PPP2R5C: variants seen among roughly 807,000 people sequenced by gnomAD.
The protein encoded by PPP2R5C is protein phosphatase 2 regulatory subunit B'gamma.
In PPP2R5C, 7 loss-of-function variants were observed where a neutral mutation model predicts 68.9. The ratio of observed to expected loss-of-function variants is 0.10; its 90% CI spans 0.06 to 0.19. PPP2R5C has a LOEUF of 0.19. Among genes scored for constraint, PPP2R5C ranks in the 10% least tolerant of loss-of-function variants. The pLI is 1.00. For synonymous variants in PPP2R5C, 210 were observed against 222.2 expected (o/e 0.95, Z 0.49); for missense variants, 348 against 641.3 (o/e 0.54, Z 4.94).
At chr14:101,893,763 A>G (rs977136189) in intron 7 of PPP2R5C, among the ~76,000 whole-genome samples, 2 of 152,128 alleles carry the variant, frequency 1.3e-5, no homozygotes, top group African/African-American at 4.8e-5. Flanking sequence ...AAATAAATAA[A>G]TAAATGAATG....
intron 13 of PPP2R5C, among the ~76,000 whole-genome samples, chr14:101,923,344 C>G (rs2047115911): frequency 6.6e-6 from 1 of 152,170 alleles, no homozygotes; most frequent in Non-Finnish European, 1.5e-5. Flanking sequence ...TTGCCTTTTT[C>G]TATGAATATG....
intron 9 of PPP2R5C, among the ~76,000 whole-genome samples, chr14:101,902,550 A>G (rs2045753919): frequency 6.6e-6 from 1 of 152,194 alleles, no homozygotes; most frequent in Non-Finnish European, 1.5e-5. Context: ...CATCATGAAC[A>G]AGGTGAAAAT....
chr14:101,906,591 A>G lies in PPP2R5C; in HGVS notation c.1151+62A>G. 1 of 1,503,740 alleles carries G rather than the reference A, an allele frequency of 6.7e-7. No homozygotes were observed. The highest frequency in any genetic ancestry group is 9.0e-7 in the Non-Finnish European group (1 of 1,111,602). 93.1% of individuals were successfully genotyped at this position (1,503,740 alleles called of 1,614,324 possible). A position where few individuals can be genotyped will look rare whatever the true frequency, so the allele number is the denominator to read the frequency against. ...TTAAAATATGGCACGTTTTACTGCT[A>G]CTTCAGTAAGAATAAATATCAGAAT... On this transcript the variant is annotated intron_variant, in intron 10 of 13. Transcript: ENST00000334743. This position sits in a 1 kb window ranked among gnomAD's most constrained non-coding sequence, Gnocchi z 4.0.
intron 2 of PPP2R5C, among the ~76,000 whole-genome samples, chr14:101,777,879 CCT>C (rs929090525): frequency 6.6e-6 from 1 of 152,018 alleles, no homozygotes; most frequent in African/African-American, 2.4e-5. Context: ...CTCAAGCTGT[CCT>C]CTCGCCTCAG....
Position 101,912,490 on chromosome 14 carries a change from T to C in PPP2R5C, c.1326+17T>C. The C allele has an allele frequency of 1.9e-6, 3 of 1,597,386 alleles. No homozygotes were observed. The highest frequency in any genetic ancestry group is 2.6e-6 in the Non-Finnish European group (3 of 1,175,218). The stretch of plus-strand genomic sequence containing the variant: ...AATCCCCAGGTACTAAAAAAGAGAA[T>C]AACATGAAAACGCCCAGGGTTACTT... On this transcript the variant is annotated intron_variant, in intron 12 of 13. Coordinates refer to ENST00000334743, the Ensembl canonical transcript of PPP2R5C.
At chr14:101,836,098 C>A (rs2041076221) in intron 1 of PPP2R5C, 1 of 636,132 alleles carries the variant, frequency 1.6e-6, no homozygotes, top group Non-Finnish European at 2.8e-6. Context: ...TAAGGAAATT[C>A]CTCAATCCAC....
Position 101,861,601 on chromosome 14 carries a change from A to G in PPP2R5C, c.294+4716A>G, listed in dbSNP as rs116410301. Among the ~76,000 whole-genome samples the G allele has an allele frequency of 5.9e-3, 902 of 152,306 alleles. 10 individuals carry two copies. The highest frequency in any genetic ancestry group is 0.021 in the African/African-American group (871 of 41,546). ...TGAAGCAATAGAATAGATTAATTGT[A>G]TTATTTCATGACCCTTGTGCACACA... On this transcript the variant is annotated intron_variant, in intron 2 of 13. Transcript: ENST00000334743.
chr14:101,881,784 G>A (rs747957706), intron 2 of PPP2R5C, among the ~76,000 whole-genome samples: 5 of 152,310 alleles, frequency 3.3e-5, no homozygotes, highest in Admixed American at 6.5e-5. Context: ...TGCGTCTTTC[G>A]TCATCTCATC....
intron 2 of PPP2R5C, 119 bp downstream of exon 2, chr14:101,763,089 T>C (rs2036641286): frequency 9.6e-6 from 8 of 833,222 alleles, no homozygotes; most frequent in Non-Finnish European, 9.3e-6. Flanking sequence ...AGGTTTTTTT[T>C]TTGTGGTGTC....
chr14:101,846,552 T>G (rs1370097970), intron 1 of PPP2R5C, among the ~76,000 whole-genome samples: 1 of 152,162 alleles, frequency 6.6e-6, no homozygotes, highest in Non-Finnish European at 1.5e-5. Flanking sequence ...GTGCTAAGGG[T>G]CAGGGTAGAA....
At chr14:101,861,144 G>T (rs376179361) in intron 2 of PPP2R5C, among the ~76,000 whole-genome samples, 3 of 152,324 alleles carry the variant, frequency 2.0e-5, no homozygotes, top group East Asian at 3.9e-4. Flanking sequence ...TGTAGTAAAA[G>T]TAAAGCTGCT....
intron 7 of PPP2R5C, among the ~76,000 whole-genome samples, chr14:101,893,888 T>C (rs923577557): frequency 6.6e-6 from 1 of 152,236 alleles, no homozygotes; most frequent in African/African-American, 2.4e-5. Flanking sequence ...TCTCACTCTT[T>C]GGCTGCAGTG....
At chr14:101,844,146 T>TTTG in intron 1 of PPP2R5C, 1 of 148,290 alleles carries the variant, frequency 6.7e-6, no homozygotes, top group African/African-American at 2.5e-5. Context: ...TTTTTTGTTT[T>TTTG]TTTTTTTTTT....
chr14:101,786,718 A>G (rs897580016), intron 3 of PPP2R5C, among the ~76,000 whole-genome samples: 3 of 150,662 alleles, frequency 2.0e-5, no homozygotes, highest in Admixed American at 2.0e-4. Flanking sequence ...TTTCCCCCCA[A>G]ATGACACAGC....
intron 6 of PPP2R5C, among the ~76,000 whole-genome samples, chr14:101,892,396 G>C (rs1435068128): frequency 7.3e-6 from 1 of 136,316 alleles, no homozygotes; most frequent in South Asian, 2.8e-4. Context: ...GTGGGGGGTG[G>C]GGGGGGTCCC....
chr14:101,883,638 C>A, intron 5 of PPP2R5C, 76 bp downstream of exon 7: 1 of 1,536,736 alleles, frequency 6.5e-7, no homozygotes, highest in East Asian at 2.3e-5. Context: ...CCTACCCCAT[C>A]GTCTCCTCTG....
chr14:101,867,303 C>T (rs995993416), intron 2 of PPP2R5C, among the ~76,000 whole-genome samples: 21 of 151,606 alleles, frequency 1.4e-4, no homozygotes, highest in Admixed American at 4.6e-4. Flanking sequence ...GCTACTCGGT[C>T]GGGGCTGAGG....
intron 2 of PPP2R5C, 76 bp downstream of exon 4, chr14:101,856,961 C>T (rs1472655435): frequency 7.3e-7 from 1 of 1,373,504 alleles, no homozygotes; most frequent in Non-Finnish European, 1.0e-6. Context: ...CTGAGCCTAA[C>T]ACAGTGCTAC....
At chr14:101,795,701 G>A (rs186457626) in intron 3 of PPP2R5C, among the ~76,000 whole-genome samples, 117 of 152,284 alleles carry the variant, frequency 7.7e-4, no homozygotes, top group African/African-American at 2.7e-3. Flanking sequence ...TGTGAAAGAA[G>A]TCATTACATT....
Sources: gnomAD v4.1 joint callset for allele counts (sites outside exome capture counted in the v4.1 genomes callset) on GRCh38, gnomAD v4.1.1 for gene constraint, Gnocchi (gnomAD v3.1) non-coding constraint, MANE v1.5 for transcripts, NCBI Gene and HGNC (gene_info 2026-07-23, HGNC 2026-07-21) for gene names.